Variants in CACNG3 observed in about 807,000 individuals in gnomAD.
CACNG3 encodes the protein voltage-dependent calcium channel gamma-3 subunit.
Under a neutral mutation model 28.5 loss-of-function variants are expected in CACNG3, and 3 were observed. The observed-to-expected ratio is 0.11, with a 90% CI of 0.05 to 0.27. The LOEUF (loss-of-function observed/expected upper bound fraction) is 0.27, where lower values mean the gene tolerates loss of function less well. Among genes scored for constraint, CACNG3 ranks in the 10% least tolerant of loss-of-function variants. The probability of loss-of-function intolerance (pLI) is 1.00; values close to 1 mark genes in which losing one functional copy is unlikely to be tolerated. For missense variants in CACNG3, 236 were observed against 414.4 expected, an observed-to-expected ratio of 0.57 and a Z score of 3.74; for synonymous variants, 174 against 162.2, an observed-to-expected ratio of 1.07 and a Z score of -0.55.
rs1900006582 is a variant in CACNG3 at position 24,354,814 on chromosome 16, TC to T, written c.296-18del. 6.2e-7 allele frequency: 1 copy of T among 1,609,676 alleles called. No homozygotes were observed. Among genetic ancestry groups the T allele is most frequent in the Non-Finnish European group, 8.5e-7 (1 of 1,178,210 alleles). On this transcript the variant is annotated intron_variant, in intron 2 of 3. Coordinates refer to ENST00000005284, the MANE Select transcript of CACNG3 (RefSeq NM_006539.4). Reference sequence around the variant, plus strand: ...GGCTGGCTGGGCACAGGCAGAAGCCTCTCTCCTTCTCTCCGCAGGAGCTGTG... The same window carrying T: ...GGCTGGCTGGGCACAGGCAGAAGCCTTCTCCTTCTCTCCGCAGGAGCTGTG...
chr16:24,317,648 A>AAAGAAAGAAAGGG (rs1491194402), intron 1 of CACNG3, among the ~76,000 whole-genome samples: 1 of 55,736 alleles, frequency 1.8e-5, no homozygotes, highest in Non-Finnish European at 3.3e-5. Flanking sequence ...GAAAGAAAAG[A>AAAGAAAGAAAGGG]AAAGAAAGAA....
chr16:24,336,275 A>ATT (rs548335074), intron 1 of CACNG3, among the ~76,000 whole-genome samples: 27 of 142,608 alleles, frequency 1.9e-4, no homozygotes, highest in African/African-American at 5.9e-4. Flanking sequence ...GATCACTGGC[A>ATT]TTTTTTTTTT....
chr16:24,339,990 C>T (rs995426121), intron 1 of CACNG3, among the ~76,000 whole-genome samples: 2 of 152,114 alleles, frequency 1.3e-5, no homozygotes, highest in Non-Finnish European at 2.9e-5. Flanking sequence ...CTTAGTGTGG[C>T]CAGGTGTGGT....
At chr16:24,267,260 C>T (rs1272127335) in intron 1 of CACNG3, among the ~76,000 whole-genome samples, 2 of 152,098 alleles carry the variant, frequency 1.3e-5, no homozygotes, top group Non-Finnish European at 1.5e-5. Flanking sequence ...GCCACCGCAC[C>T]TGGCCTATTT....
chr16:24,341,995 C>T (rs960844109), intron 1 of CACNG3, among the ~76,000 whole-genome samples: 3 of 152,232 alleles, frequency 2.0e-5, no homozygotes, highest in South Asian at 4.1e-4. Flanking sequence ...AGGCCAGGAG[C>T]GGTGGCTCAC....
intron 1 of CACNG3, among the ~76,000 whole-genome samples, chr16:24,311,582 G>A (rs185090462): frequency 1.9e-4 from 29 of 151,860 alleles, no homozygotes; most frequent in South Asian, 2.1e-4. Flanking sequence ...TGGGCCTGGC[G>A]TGGTGGCTTA....
chr16:24,315,486 T>C (rs1382281867), intron 1 of CACNG3, among the ~76,000 whole-genome samples: 1 of 150,424 alleles, frequency 6.6e-6, no homozygotes, highest in African/African-American at 2.4e-5. Flanking sequence ...TCTCTCTCTT[T>C]CTTTCTTTTC....
chr16:24,307,765 T>TGGGGG (rs1311830510), intron 1 of CACNG3, among the ~76,000 whole-genome samples: 3 of 152,152 alleles, frequency 2.0e-5, no homozygotes, highest in African/African-American at 4.8e-5. Context: ...ATGGAAGAAC[T>TGGGGG]GGAGGTCCCC....
At chr16:24,315,400 A>G (rs920847771) in intron 1 of CACNG3, among the ~76,000 whole-genome samples, 9 of 150,238 alleles carry the variant, frequency 6.0e-5, no homozygotes, top group African/African-American at 2.2e-4. Flanking sequence ...TACCACCCTC[A>G]ACCTCACCAT....
chr16:24,258,454 C>T (rs1480732049), intron 1 of CACNG3, among the ~76,000 whole-genome samples: 1 of 152,210 alleles, frequency 6.6e-6, no homozygotes, highest in South Asian at 2.1e-4. Flanking sequence ...CCCTCTCCAA[C>T]TCTCAGTTTA....
chr16:24,354,697 G>A, intron 2 of CACNG3, 136 bp from the exon 3 acceptor site: 2 of 815,438 alleles, frequency 2.5e-6, no homozygotes, highest in South Asian at 1.7e-5. Context: ...CTGAGCGCCT[G>A]GTCTCATGCC....
chr16:24,272,656 C>T (rs768867311), intron 1 of CACNG3, among the ~76,000 whole-genome samples: 21 of 152,036 alleles, frequency 1.4e-4, no homozygotes, highest in African/African-American at 4.3e-4. Context: ...TAATCATGCA[C>T]GTTATTTTAC....
intron 1 of CACNG3, among the ~76,000 whole-genome samples, chr16:24,287,949 A>T: frequency 6.6e-6 from 1 of 152,214 alleles, no homozygotes; most frequent in South Asian, 2.1e-4. Context: ...TCTTTCCAAA[A>T]CATAAGTAAA....
intron 3 of CACNG3, among the ~76,000 whole-genome samples, chr16:24,360,680 G>A (rs1052188819): frequency 6.6e-6 from 1 of 152,078 alleles, no homozygotes; most frequent in African/African-American, 2.4e-5. Context: ...TCTAAACCTG[G>A]ATTCTCTGCT....
chr16:24,309,454 A>C (rs1899230674), intron 1 of CACNG3, among the ~76,000 whole-genome samples: 1 of 152,222 alleles, frequency 6.6e-6, no homozygotes, highest in South Asian at 2.1e-4. Context: ...TGAGAGAGCC[A>C]CCACATAAGC....
Position 24,362,187 on chromosome 16 carries a change from G to T in CACNG3, c.*324G>T, listed in dbSNP as rs1345428130. ...AGGACTTTACTAAAAGTCACAGGTG[G>T]TGGCCAGGGGGGATTTCCGAATCTC... On this transcript the variant is annotated 3_prime_UTR_variant, in exon 4 of 4. Coordinates refer to ENST00000005284, the MANE Select transcript of CACNG3 (RefSeq NM_006539.4). 9.0e-6 allele frequency: 2 copies of T among 222,898 alleles called. No homozygotes were observed. The highest frequency in any genetic ancestry group is 9.3e-5 in the East Asian group (1 of 10,728). The allele number at this position is 222,898 out of a possible 1,614,324, so 13.8% of individuals were successfully genotyped here.
At chr16:24,336,868 G>A (rs1899718244) in intron 1 of CACNG3, among the ~76,000 whole-genome samples, 1 of 152,140 alleles carries the variant, frequency 6.6e-6, no homozygotes, top group East Asian at 1.9e-4. Context: ...AAGCTGGAGT[G>A]TAGTGGTGTG....
intron 1 of CACNG3, among the ~76,000 whole-genome samples, chr16:24,317,555 A>AAAGAAAG (rs1899370305): frequency 8.0e-5 from 1 of 12,498 alleles, no homozygotes; most frequent in African/African-American, 4.0e-4. Context: ...AAAAAAAGAA[A>AAAGAAAG]AAGAAAGAAA....
At chr16:24,273,165 G>A (rs1898711012) in intron 1 of CACNG3, among the ~76,000 whole-genome samples, 2 of 152,284 alleles carry the variant, frequency 1.3e-5, no homozygotes, top group South Asian at 4.2e-4. Context: ...TTCATGAGAA[G>A]CATCCACGTC....
Sources: gnomAD v4.1 joint callset for allele counts (sites outside exome capture counted in the v4.1 genomes callset) on GRCh38, gnomAD v4.1.1 for gene constraint, MANE v1.5 for transcripts, NCBI Gene and HGNC (gene_info 2026-07-23, HGNC 2026-07-21) for gene names.